Variants in MSL2 observed in about 807,000 individuals in gnomAD.
MSL2 encodes the protein MSL complex subunit 2, also known as E3 ubiquitin-protein ligase MSL2.
MSL2 carries 2 observed loss-of-function variants against 35.8 expected under a neutral mutation model. The ratio of observed to expected loss-of-function variants is 0.06; its 90% CI spans 0.02 to 0.18. The LOEUF (loss-of-function observed/expected upper bound fraction) is 0.18, where lower values mean the gene tolerates loss of function less well. MSL2 is among the 10% of genes least tolerant of loss of function. MSL2 has a pLI of 1.00. For missense variants in MSL2, 523 were observed against 706.7 expected (o/e 0.74, Z 2.95); for synonymous variants, 296 against 255.7 (o/e 1.16, Z -1.50).
chr3:136,185,086 T>C (rs1345324489), intron 1 of MSL2, among the ~76,000 whole-genome samples: 2 of 152,140 alleles, frequency 1.3e-5, no homozygotes, highest in Admixed American at 6.6e-5. Flanking sequence ...GCAATTCTCC[T>C]GCCTCAGCCT....
In MSL2 at chr3:136,195,047, C is replaced by T; in HGVS notation, c.67G>A (p.Gly23Arg). Residue 23 changes from glycine to arginine, a missense_variant, in exon 1 of 2, where the codon GGA (glycine) becomes AGA (arginine). Coordinates refer to ENST00000309993, the MANE Select transcript of MSL2 (RefSeq NM_018133.4). Reference protein sequence around the residue: ...ASRLVLNYDPGDPKAFTEINR... With the variant: ...ASRLVLNYDPRDPKAFTEINR... ...ATCTCAGTAAACGCCTTGGGGTCTCCGGGGTCGTAGTTGAGCACTAGGCGG... is the reference window on the plus strand; with the variant it reads ...ATCTCAGTAAACGCCTTGGGGTCTCTGGGGTCGTAGTTGAGCACTAGGCGG... 6.2e-7 allele frequency: 1 copy of T among 1,614,002 alleles called. No individual in the cohort carries two copies. The highest frequency in any genetic ancestry group is 8.5e-7 in the Non-Finnish European group (1 of 1,179,980).
chr3:136,157,083 C>T (rs997261912), intron 1 of MSL2, among the ~76,000 whole-genome samples: 1 of 152,184 alleles, frequency 6.6e-6, no homozygotes, highest in Non-Finnish European at 1.5e-5. Flanking sequence ...ATAACCAAAG[C>T]TTTCTTTCAC....
At chr3:136,194,848 A>C in intron 1 of MSL2, 124 bp downstream of exon 1, 195 of 1,363,306 alleles carry the variant, frequency 1.4e-4, no homozygotes, top group Non-Finnish European at 1.8e-4. Context: ...TAATGACCGT[A>C]CAGCGCTGCA....
Position 136,151,738 on chromosome 3 carries a change from A to G in MSL2, c.1143T>C (p.Ser381=), listed in dbSNP as rs778564164. ...TGGGAACAGTTGCTATAGGTTGAAG[A>G]GAAATTTTGCTCTCCCGTTTCACTG... The part of the protein sequence containing the change: ...PVTVKRESKI[S]LQPIATVPNG... Residue 381 remains serine, a synonymous_variant, in exon 2 of 2, where the codon TCT becomes TCC. Coordinates refer to ENST00000309993, the MANE Select transcript of MSL2 (RefSeq NM_018133.4). This position sits in a 1 kb window ranked among gnomAD's most constrained non-coding sequence, Gnocchi z 5.2. The G allele has an allele frequency of 9.9e-6, 16 of 1,614,034 alleles. No homozygotes were observed. The African/African-American group carries it at 2.1e-4, about 22-fold the overall frequency.
chr3:136,173,078 G>A (rs1337379737), intron 1 of MSL2, among the ~76,000 whole-genome samples: 1 of 152,118 alleles, frequency 6.6e-6, no homozygotes, highest in Non-Finnish European at 1.5e-5. Context: ...CACAAAAATC[G>A]CTTGAACCCA....
chr3:136,165,337 A>G (rs1939815311), intron 1 of MSL2, among the ~76,000 whole-genome samples: 1 of 152,194 alleles, frequency 6.6e-6, no homozygotes, highest in African/African-American at 2.4e-5. Flanking sequence ...CTAAACAAAT[A>G]ATGTGATATT....
Position 136,168,233 on chromosome 3 carries a change from AG to A in MSL2, c.143-15496del, listed in dbSNP as rs200693086. ...AACTCTACCAAAAAAAAAGCAAACA[AG>A]CTCTTAAGGCAAAAGAAAAAGAATT... On this transcript the variant is annotated intron_variant, in intron 1 of 1. Transcript: ENST00000309993. 5.6e-4 allele frequency among the ~76,000 whole-genome samples: 86 copies of A among 152,310 alleles called. No individual in the cohort carries two copies. In the East Asian group the frequency reaches 0.014, roughly 26 times the overall value.
rs1174146666 is a variant in MSL2 at position 136,149,369 on chromosome 3, T to C, written c.*1778A>G. The stretch of plus-strand genomic sequence containing the variant: ...AAACGTTAGGTAAATACACGTTTCA[T>C]AAGACACTGCTAACACTTAAAGGAA... On this transcript the variant is annotated 3_prime_UTR_variant, in exon 2 of 2. Coordinates refer to ENST00000309993, the MANE Select transcript of MSL2 (RefSeq NM_018133.4). The C allele has an allele frequency of 6.6e-6, 1 of 152,506 alleles. No individual in the cohort carries two copies. The highest frequency in any genetic ancestry group is 2.4e-5 in the African/African-American group (1 of 41,438). The allele number at this position is 152,506 out of a possible 1,614,324, so 9.4% of individuals were successfully genotyped here.
At chr3:136,166,468 T>C (rs1368885127) in intron 1 of MSL2, among the ~76,000 whole-genome samples, 2 of 152,100 alleles carry the variant, frequency 1.3e-5, no homozygotes, top group African/African-American at 2.4e-5. Flanking sequence ...TGTTAAGTAA[T>C]ATTTTTTTGA....
intron 1 of MSL2, among the ~76,000 whole-genome samples, chr3:136,158,881 A>G (rs537965927): frequency 1.2e-4 from 18 of 152,212 alleles, no homozygotes; most frequent in Non-Finnish European, 2.2e-4. Flanking sequence ...GAATATACTT[A>G]AAATATTTAG....
intron 1 of MSL2, among the ~76,000 whole-genome samples, chr3:136,178,870 T>G (rs1227665682): frequency 6.6e-6 from 1 of 151,610 alleles, no homozygotes; most frequent in Non-Finnish European, 1.5e-5. Flanking sequence ...ACACGTGGAG[T>G]ATTCCAAGAC....
intron 1 of MSL2, among the ~76,000 whole-genome samples, chr3:136,185,797 C>T (rs1348692909): frequency 2.6e-5 from 4 of 152,138 alleles, no homozygotes; most frequent in Non-Finnish European, 5.9e-5. Flanking sequence ...TGAGCCACCA[C>T]GCCTGGCCAG....
chr3:136,192,995 C>T (rs1940733705), intron 1 of MSL2, among the ~76,000 whole-genome samples: 1 of 152,112 alleles, frequency 6.6e-6, no homozygotes, highest in Non-Finnish European at 1.5e-5. Flanking sequence ...TTACTGAAAC[C>T]ATGCCAGCTA....
chr3:136,193,575 G>C (rs1042596162), intron 1 of MSL2, among the ~76,000 whole-genome samples: 1 of 150,600 alleles, frequency 6.6e-6, no homozygotes, highest in African/African-American at 2.5e-5. Flanking sequence ...CAAAATATGT[G>C]AGGACATTAA....
In MSL2 at chr3:136,151,281, T is replaced by A. The variant is rs1939357601; in HGVS notation, c.1600A>T (p.Ile534Phe). ...CTGGTACTAGCGTTACGCACAGCAA[T>A]GCTAGTCACGTTAATGCCCAAAGTG... ...RLTLGINVTS[I>F]AVRNASTSTS... Residue 534 changes from isoleucine to phenylalanine, a missense_variant, in exon 2 of 2, where the codon ATT becomes TTT. Coordinates refer to ENST00000309993, the MANE Select transcript of MSL2 (RefSeq NM_018133.4). This position sits in a 1 kb window ranked among gnomAD's most constrained non-coding sequence, Gnocchi z 5.2. 2 of 1,614,132 alleles carry A rather than the reference T, an allele frequency of 1.2e-6. No individual in the cohort carries two copies. Among genetic ancestry groups the A allele is most frequent in the African/African-American group, 1.3e-5 (1 of 74,950 alleles).
At chr3:136,159,930 T>C (rs1939653191) in intron 1 of MSL2, among the ~76,000 whole-genome samples, 1 of 151,918 alleles carries the variant, frequency 6.6e-6, no homozygotes, top group Non-Finnish European at 1.5e-5. Context: ...AAATGGATTT[T>C]CTCAAAATTA....
intron 1 of MSL2, among the ~76,000 whole-genome samples, chr3:136,158,455 T>C (rs926401524): frequency 2.6e-5 from 4 of 151,220 alleles, no homozygotes; most frequent in Admixed American, 1.3e-4. Context: ...AAACGAGAAA[T>C]TGAACTTCTT....
At chr3:136,188,218 A>C (rs1212962883) in intron 1 of MSL2, among the ~76,000 whole-genome samples, 1 of 152,072 alleles carries the variant, frequency 6.6e-6, no homozygotes, top group Non-Finnish European at 1.5e-5. Flanking sequence ...GGGAGTTCAC[A>C]AGGTACAGAG....
At chr3:136,167,173 C>CA (rs905399738) in intron 1 of MSL2, among the ~76,000 whole-genome samples, 3 of 151,878 alleles carry the variant, frequency 2.0e-5, no homozygotes, top group African/African-American at 7.3e-5. Context: ...CATAAAATGG[C>CA]AAAAATTATC....
Sources: gnomAD v4.1 joint callset for allele counts (sites outside exome capture counted in the v4.1 genomes callset) on GRCh38, gnomAD v4.1.1 for gene constraint, Gnocchi (gnomAD v3.1) non-coding constraint, MANE v1.5 for transcripts, NCBI Gene and HGNC (gene_info 2026-07-23, HGNC 2026-07-21) for gene names.